The following GJB7 variants were observed in gnomAD, a reference collection of about 807,000 sequenced individuals.
GJB7 encodes gap junction beta-7 protein.
For synonymous variants in GJB7, 87 were observed against 95.2 expected (o/e 0.91, Z 0.50); for missense variants, 253 against 256.8 (o/e 0.99, Z 0.10).
intron 2 of GJB7, among the ~76,000 whole-genome samples, chr6:87,318,901 TG>T (rs1356828644): frequency 6.6e-6 from 1 of 152,192 alleles, no homozygotes; most frequent in Non-Finnish European, 1.5e-5. Flanking sequence ...AAAAAAGACC[TG>T]GCTTTGACAA....
At chr6:87,317,669 G>T (rs1204254643) in intron 2 of GJB7, among the ~76,000 whole-genome samples, 4 of 151,940 alleles carry the variant, frequency 2.6e-5, no homozygotes, top group Non-Finnish European at 5.9e-5. Context: ...GACCTCAGGT[G>T]ATCTGCCCGC....
At chr6:87,325,421 A>G (rs1352396226) in intron 1 of GJB7, among the ~76,000 whole-genome samples, 12 of 147,880 alleles carry the variant, frequency 8.1e-5, no homozygotes, top group African/African-American at 2.8e-4. Flanking sequence ...GATAGCTCTT[A>G]TTATTTTGAG....
intron 2 of GJB7, among the ~76,000 whole-genome samples, chr6:87,302,787 G>C (rs1294530970): frequency 6.6e-6 from 1 of 152,162 alleles, no homozygotes; most frequent in Non-Finnish European, 1.5e-5. Flanking sequence ...AGAAAGGTTG[G>C]GTTACCTACA....
intron 2 of GJB7, among the ~76,000 whole-genome samples, chr6:87,305,266 T>C (rs536469436): frequency 2.0e-4 from 31 of 152,082 alleles, no homozygotes; most frequent in Middle Eastern, 3.4e-3. Context: ...TGATTGTATA[T>C]CTAGAAAACC....
At chr6:87,302,628 C>T (rs1390849896) in intron 2 of GJB7, among the ~76,000 whole-genome samples, 2 of 152,192 alleles carry the variant, frequency 1.3e-5, no homozygotes, top group African/African-American at 4.8e-5. Flanking sequence ...AGGAGAACTT[C>T]CCCAACCTAG....
intron 2 of GJB7, chr6:87,298,807 C>T (rs57780241): frequency 0.06 from 17,377 of 291,010 alleles, 1,022 homozygotes; most frequent in African/African-American, 0.19. Context: ...CAGATGAGAC[C>T]GGTGTCCAGG....
At position 87,317,362 on chromosome 6, in the gene GJB7, TCAAA is replaced by T. The variant is rs200674056; in HGVS notation, c.-28+5500_-28+5503del. On this transcript the variant is annotated intron_variant, in intron 2 of 2. Coordinates refer to ENST00000525899, the MANE Select transcript of GJB7 (RefSeq NM_198568.3). ...CTGGGCGACAAAGCAAGACCCTGTC[TCAAA>T]CAAACAAACAAACAACAAGAAATTA... is the stretch of plus-strand genomic sequence containing the variant. Among the ~76,000 whole-genome samples, 1,413 of 152,004 alleles carry T rather than the reference TCAAA, an allele frequency of 9.3e-3. 18 individuals are homozygous for T. Among genetic ancestry groups the T allele is most frequent in the African/African-American group, 0.032 (1,324 of 41,438 alleles).
chr6:87,307,448 A>G (rs1776449708), intron 2 of GJB7, among the ~76,000 whole-genome samples: 1 of 152,110 alleles, frequency 6.6e-6, no homozygotes, highest in Admixed American at 6.5e-5. Context: ...AACCTACAGA[A>G]TGGGAGACAA....
At chr6:87,293,242 G>T (rs1333923470) in intron 2 of GJB7, among the ~76,000 whole-genome samples, 2 of 152,072 alleles carry the variant, frequency 1.3e-5, no homozygotes, top group African/African-American at 4.8e-5. Flanking sequence ...TGTTGACCAG[G>T]ATGGTCTCCA....
intron 2 of GJB7, among the ~76,000 whole-genome samples, chr6:87,307,897 C>A (rs1302830274): frequency 6.6e-6 from 1 of 152,134 alleles, no homozygotes; most frequent in East Asian, 1.9e-4. Flanking sequence ...AAGGATTATA[C>A]ATCATGCTGC....
In GJB7 at chr6:87,289,623, G is replaced by A. The variant is rs540066126; in HGVS notation, c.-27-4684C>T. Among the ~76,000 whole-genome samples, 3 of 152,312 alleles carry A rather than the reference G, an allele frequency of 2.0e-5. No homozygotes were observed. In the South Asian group the frequency reaches 6.2e-4, roughly 32 times the overall value. On this transcript the variant is annotated intron_variant, in intron 2 of 2. Coordinates refer to ENST00000525899, the MANE Select transcript of GJB7 (RefSeq NM_198568.3). Reference sequence around the variant, plus strand: ...TCATGTGGATGAATCCCTTAGAATAGATTGAGTAAACAATGTGCCTGACTT... The same window carrying A: ...TCATGTGGATGAATCCCTTAGAATAAATTGAGTAAACAATGTGCCTGACTT...
chr6:87,286,156 G>C (rs1399560514), intron 2 of GJB7, among the ~76,000 whole-genome samples: 3 of 152,094 alleles, frequency 2.0e-5, no homozygotes, highest in Non-Finnish European at 4.4e-5. Context: ...TTCGACTTCT[G>C]CTTTCACCTT....
chr6:87,284,830 ACG>A lies in GJB7; in HGVS notation c.81_82del (p.Phe29CysfsTer18). 1 of 1,614,140 alleles carries A rather than the reference ACG, an allele frequency of 6.2e-7. No individual in the cohort carries two copies. Among genetic ancestry groups the A allele is most frequent in the Non-Finnish European group, 8.5e-7 (1 of 1,180,012 alleles). ...GTAGACCAGCAAACGGAAGACAAAC[ACG>A]ACAGCCAGCCAAATCCATCCAGTCC... On this transcript the variant is annotated frameshift_variant, in exon 3 of 3. Coordinates refer to ENST00000525899, the MANE Select transcript of GJB7 (RefSeq NM_198568.3). LOFTEE classifies it low-confidence loss of function (END_TRUNC).
In GJB7 at chr6:87,284,274, T is replaced by C; in HGVS notation, c.639A>G (p.Lys213=). The change falls in exon 3 of 3, where the codon AAA becomes AAG. Residue 213 remains lysine (K), a synonymous_variant. Coordinates refer to ENST00000525899, the MANE Select transcript of GJB7 (RefSeq NM_198568.3). The part of the protein sequence containing the change: ...LKCFIKCCLQ[K]YLKKPQVLSV Reference sequence around the variant, plus strand: ...TGAGGACTTGAGGTTTTTTTAAATATTTTTGGAGACAGCACTTAATAAAGC... The same window carrying C: ...TGAGGACTTGAGGTTTTTTTAAATACTTTTGGAGACAGCACTTAATAAAGC... 1.2e-6 allele frequency: 2 copies of C among 1,613,716 alleles called. No individual in the cohort carries two copies. Among genetic ancestry groups the C allele is most frequent in the Non-Finnish European group, 8.5e-7 (1 of 1,179,814 alleles).
chr6:87,302,347 C>A (rs1332910164), intron 2 of GJB7, among the ~76,000 whole-genome samples: 3 of 152,152 alleles, frequency 2.0e-5, no homozygotes, highest in Admixed American at 6.5e-5. Context: ...CCTCATGGAG[C>A]TGAAAACCAT....
At chr6:87,303,154 A>G (rs1358262779) in intron 2 of GJB7, among the ~76,000 whole-genome samples, 1 of 152,228 alleles carries the variant, frequency 6.6e-6, no homozygotes, top group Non-Finnish European at 1.5e-5. Context: ...TCATAATGAC[A>G]GGATCAAATT....
At chr6:87,326,316 A>T (rs867427625) in intron 1 of GJB7, among the ~76,000 whole-genome samples, 8 of 152,030 alleles carry the variant, frequency 5.3e-5, no homozygotes, top group African/African-American at 1.9e-4. Flanking sequence ...TAGCTTTTGA[A>T]TGTGTTTGCT....
At chr6:87,318,809 C>G (rs554063262) in intron 2 of GJB7, among the ~76,000 whole-genome samples, 9 of 152,090 alleles carry the variant, frequency 5.9e-5, no homozygotes, top group Non-Finnish European at 1.2e-4. Context: ...ATCCTTGGCT[C>G]ACATTGATCA....
intron 2 of GJB7, among the ~76,000 whole-genome samples, chr6:87,318,110 C>A (rs571721012): frequency 7.4e-6 from 1 of 135,428 alleles, no homozygotes; most frequent in Non-Finnish European, 1.6e-5. Flanking sequence ...AATATCAGTT[C>A]CCCATTCTAT....
Sources: allele counts gnomAD v4.1 joint callset (sites outside exome capture counted in the v4.1 genomes callset), GRCh38; gene constraint gnomAD v4.1.1; transcripts MANE v1.5; gene names NCBI Gene and HGNC (gene_info 2026-07-23, HGNC 2026-07-21).